The following APBA2 variants were observed in gnomAD, a reference collection of about 807,000 sequenced individuals.
APBA2 encodes the protein amyloid-beta A4 precursor protein-binding family A member 2.
A neutral mutation model predicts 75.0 loss-of-function variants in APBA2; 30 were observed. The ratio of observed to expected loss-of-function variants is 0.40; its 90% CI spans 0.30 to 0.54. The LOEUF (loss-of-function observed/expected upper bound fraction) is 0.54. Among genes scored for constraint, APBA2 ranks in the 20% least tolerant of loss-of-function variants. The probability of loss-of-function intolerance (pLI) is 0.49; values close to 1 mark genes in which losing one functional copy is unlikely to be tolerated. For synonymous variants in APBA2, 444 were observed against 409.6 expected (o/e 1.08, Z -1.01); for missense variants, 801 against 1,016.1 (o/e 0.79, Z 2.88).
At chr15:28,901,333 C>T (rs904370483) in intron 1 of APBA2, among the ~76,000 whole-genome samples, 7 of 152,110 alleles carry the variant, frequency 4.6e-5, no homozygotes, top group African/African-American at 1.2e-4. Flanking sequence ...GTCTGAGCCC[C>T]GCCCCACCCT....
At chr15:28,941,850 G>A (rs926424046) in intron 2 of APBA2, among the ~76,000 whole-genome samples, 5 of 152,100 alleles carry the variant, frequency 3.3e-5, no homozygotes, top group African/African-American at 1.2e-4. Flanking sequence ...TCCGCCTCCC[G>A]GGTTCACACC....
chr15:28,951,708 C>T (rs1318540506), intron 2 of APBA2, among the ~76,000 whole-genome samples: 1 of 152,084 alleles, frequency 6.6e-6, no homozygotes, highest in Non-Finnish European at 1.5e-5. Flanking sequence ...CCTCAGCCTC[C>T]CTAGTAGCTG....
intron 3 of APBA2, among the ~76,000 whole-genome samples, chr15:29,050,423 G>A (rs573609105): frequency 3.5e-4 from 53 of 152,292 alleles, no homozygotes; most frequent in Non-Finnish European, 6.2e-4. Context: ...AATGCAAAAA[G>A]TATAGGAAGC....
rs893567577 is a variant in APBA2 at position 29,076,061 on chromosome 15, A to G, written c.1039A>G (p.Lys347Glu). The change falls in exon 6 of 15, where the codon AAG becomes GAG. Residue 347 changes from lysine to glutamate, a missense_variant. Around this residue, in one of 2 missense-constraint regions of APBA2, gnomAD observed 434 missense variants for 471.6 expected, o/e 0.92. Coordinates refer to ENST00000683413, the MANE Select transcript of APBA2 (RefSeq NM_001353788.2). ...VDNNNIPETK[K>E]VASFPSFVAV... ...TTTCCATATTTCCTAACAGACAAAG[A>G]AGGTGGCATCATTTCCAAGTTTTGT... 1 of 1,614,166 alleles carries G rather than the reference A, an allele frequency of 6.2e-7. No homozygotes were observed. The highest frequency in any genetic ancestry group is 8.5e-7 in the Non-Finnish European group (1 of 1,179,972).
At chr15:29,108,160 T>G in intron 12 of APBA2, 110 bp from the exon 13 acceptor site, 2 of 1,502,972 alleles carry the variant, frequency 1.3e-6, no homozygotes. Flanking sequence ...GCCTCTCCCA[T>G]TGTGTGTTCT....
At chr15:29,026,041 A>G (rs1020111792) in intron 3 of APBA2, among the ~76,000 whole-genome samples, 2 of 152,052 alleles carry the variant, frequency 1.3e-5, no homozygotes, top group African/African-American at 2.4e-5. Context: ...TGGGCTGGGC[A>G]GGAAAGCTGC....
At chr15:29,038,481 CA>C (rs2040857259) in intron 3 of APBA2, among the ~76,000 whole-genome samples, 1 of 152,002 alleles carries the variant, frequency 6.6e-6, no homozygotes, top group African/African-American at 2.4e-5. Flanking sequence ...AGTGCTGAAC[CA>C]AATCAGCAAC....
At chr15:29,050,129 C>T (rs1269414956) in intron 3 of APBA2, among the ~76,000 whole-genome samples, 1 of 152,090 alleles carries the variant, frequency 6.6e-6, no homozygotes, top group Non-Finnish European at 1.5e-5. Flanking sequence ...GTATCAGCTT[C>T]CAGACGGAAG....
intron 2 of APBA2, among the ~76,000 whole-genome samples, chr15:28,992,935 G>C (rs769213248): frequency 1.6e-4 from 25 of 152,202 alleles, no homozygotes; most frequent in Non-Finnish European, 3.1e-4. Flanking sequence ...TTCCAAAAAT[G>C]GTGAGAAAAG....
intron 2 of APBA2, among the ~76,000 whole-genome samples, chr15:28,922,509 C>A (rs2034025818): frequency 6.6e-6 from 1 of 152,204 alleles, no homozygotes; most frequent in African/African-American, 2.4e-5. Flanking sequence ...CATTGTCCCG[C>A]AGGAGCTCTG....
intron 3 of APBA2, among the ~76,000 whole-genome samples, chr15:29,019,279 C>A (rs1206778428): frequency 2.0e-5 from 3 of 152,282 alleles, no homozygotes. Flanking sequence ...AGGAAGGTGG[C>A]CTTTTGCATT....
At chr15:28,897,271 G>A (rs1280672778) in intron 1 of APBA2, among the ~76,000 whole-genome samples, 1 of 151,734 alleles carries the variant, frequency 6.6e-6, no homozygotes, top group Non-Finnish European at 1.5e-5. Flanking sequence ...GATGCAAAAT[G>A]AATTGTAAAT....
intron 2 of APBA2, among the ~76,000 whole-genome samples, chr15:28,925,865 T>G (rs1311135535): frequency 1.3e-5 from 2 of 152,202 alleles, no homozygotes; most frequent in African/African-American, 2.4e-5. Context: ...TGTTGTTAGG[T>G]GCATAGCCTT....
At chr15:29,015,098 G>A (rs1210203185) in intron 3 of APBA2, among the ~76,000 whole-genome samples, 3 of 152,038 alleles carry the variant, frequency 2.0e-5, no homozygotes, top group African/African-American at 7.2e-5. Context: ...GAAGAATAGC[G>A]CTTTCTGTCT....
At chr15:29,057,950 G>T (rs2041973762) in intron 4 of APBA2, among the ~76,000 whole-genome samples, 1 of 152,068 alleles carries the variant, frequency 6.6e-6, no homozygotes, top group Non-Finnish European at 1.5e-5. Flanking sequence ...TATCTTTTGG[G>T]GTTTGGATGC....
chr15:28,962,791 T>C (rs1401238262), intron 2 of APBA2, among the ~76,000 whole-genome samples: 1 of 152,160 alleles, frequency 6.6e-6, no homozygotes, highest in Non-Finnish European at 1.5e-5. Context: ...TGTTAATTTA[T>C]TATTTTAGGT....
chr15:28,945,789 C>T (rs1334844691), intron 2 of APBA2, among the ~76,000 whole-genome samples: 2 of 152,190 alleles, frequency 1.3e-5, no homozygotes, highest in Non-Finnish European at 2.9e-5. Context: ...GCTGGGATTA[C>T]AGGCGGTGCC....
At chr15:29,039,298 T>C (rs1255873654) in intron 3 of APBA2, among the ~76,000 whole-genome samples, 3 of 152,142 alleles carry the variant, frequency 2.0e-5, no homozygotes, top group Admixed American at 2.0e-4. Flanking sequence ...CTGGGATATC[T>C]GCAGCAGGGA....
At chr15:28,972,142 G>A (rs2037102522) in intron 2 of APBA2, among the ~76,000 whole-genome samples, 1 of 152,140 alleles carries the variant, frequency 6.6e-6, no homozygotes, top group Admixed American at 6.5e-5. Context: ...TCCCCAAAGG[G>A]ATAGTAGTTA....
Sources: gnomAD v4.1 joint callset for allele counts (sites outside exome capture counted in the v4.1 genomes callset) on GRCh38, gnomAD v4.1.1 for gene constraint, gnomAD v4.1.1 regional missense constraint, MANE v1.5 for transcripts, NCBI Gene and HGNC (gene_info 2026-07-23, HGNC 2026-07-21) for gene names.